ALCAM: variants seen among roughly 807,000 people sequenced by gnomAD.
The protein encoded by ALCAM is activated leukocyte cell adhesion molecule, also known as CD166 antigen.
A neutral mutation model predicts 70.9 loss-of-function variants in ALCAM; 30 were observed. That is an observed-to-expected ratio of 0.42 (90% confidence interval 0.32 to 0.57). The LOEUF is 0.57. ALCAM is among the 20% of genes least tolerant of loss of function. ALCAM has a pLI of 0.11. For missense variants in ALCAM, 591 were observed against 695.1 expected (o/e 0.85, Z 1.68); for synonymous variants, 249 against 242.5 (o/e 1.03, Z -0.25).
chr3:105,469,508 A>C (rs1347793), intron 1 of ALCAM, among the ~76,000 whole-genome samples: 28,229 of 151,178 alleles, frequency 0.19, 2,807 homozygotes, highest in East Asian at 0.37. Flanking sequence ...GTAAACAGAA[A>C]GTAGAAAAAA....
chr3:105,384,941 A>T (rs540723950), intron 1 of ALCAM, among the ~76,000 whole-genome samples: 2 of 151,678 alleles, frequency 1.3e-5, no homozygotes, highest in Admixed American at 6.6e-5. Flanking sequence ...AAATATATAA[A>T]CCTAATTGGG....
rs769598760 is a variant in ALCAM, at chr3:105,498,009, C to T, written c.74-22058C>T. Among the ~76,000 whole-genome samples, 26 of 144,094 alleles carry T rather than the reference C, an allele frequency of 1.8e-4. No homozygotes were observed. In the Middle Eastern group the frequency reaches 0.011, roughly 59 times the overall value. The allele number at this position is 144,094 out of a possible 152,430, so 94.5% of individuals were successfully genotyped here. On this transcript the variant is annotated intron_variant, in intron 1 of 15. Coordinates refer to ENST00000306107, the MANE Select transcript of ALCAM (RefSeq NM_001627.4). ...TCACACCACTGCACTCAAGCCTGGG[C>T]GACAGAGCGAGACTCTGCCTCAAAA...
At chr3:105,472,605 G>C (rs1224060483) in intron 1 of ALCAM, among the ~76,000 whole-genome samples, 1 of 151,510 alleles carries the variant, frequency 6.6e-6, no homozygotes, top group Non-Finnish European at 1.5e-5. Flanking sequence ...TATGGGTCTA[G>C]AAACTGAGGA....
At chr3:105,405,929 G>A (rs945118226) in intron 1 of ALCAM, among the ~76,000 whole-genome samples, 1 of 152,156 alleles carries the variant, frequency 6.6e-6, no homozygotes, top group African/African-American at 2.4e-5. Flanking sequence ...ATAATGAGAT[G>A]CAGATAAACT....
rs115509513 is a variant in ALCAM at position 105,382,957 on chromosome 3, C to T, written c.73+15476C>T. Among the ~76,000 whole-genome samples, 135 of 151,870 alleles carry T rather than the reference C, an allele frequency of 8.9e-4. 1 individual carries two copies. Among genetic ancestry groups the T allele is most frequent in the African/African-American group, 3.1e-3 (130 of 41,466 alleles). On this transcript the variant is annotated intron_variant, in intron 1 of 15. Coordinates refer to ENST00000306107, the MANE Select transcript of ALCAM (RefSeq NM_001627.4). ...AATATAGCATTTAAAGTTTTTCTTACATTTCTCAGAACAATTTTTCTTGGA... is the reference window on the plus strand; with the variant it reads ...AATATAGCATTTAAAGTTTTTCTTATATTTCTCAGAACAATTTTTCTTGGA...
intron 11 of ALCAM, 80 bp downstream of exon 11, chr3:105,547,603 G>A (rs557178927): frequency 2.0e-6 from 3 of 1,523,138 alleles, no homozygotes; most frequent in East Asian, 4.6e-5. Context: ...CTATAGGTTG[G>A]TTTGTTACCA....
Position 105,534,665 on chromosome 3 carries a change from G to T in ALCAM, c.550G>T (p.Val184Leu). The T allele has an allele frequency of 6.2e-7, 1 of 1,613,374 alleles. No homozygotes were observed. The highest frequency in any genetic ancestry group is 8.5e-7 in the Non-Finnish European group (1 of 1,179,504). The stretch of plus-strand genomic sequence containing the variant: ...TCAGTGTTCTTTATTTTCTTCAGCG[G>T]TGGTCATAATTTTTAAAAAGGAAAT... ...GKVLHPLEGA[V>L]VIIFKKEMDP... Residue 184 changes from valine to leucine, a missense_variant and splice_region_variant, in exon 6 of 16, where the codon GTG becomes TTG. By Grantham distance (32) the Val-to-Leu change is conservative. Coordinates refer to ENST00000306107, the MANE Select transcript of ALCAM (RefSeq NM_001627.4).
chr3:105,418,739 T>C (rs1286698189), intron 1 of ALCAM, among the ~76,000 whole-genome samples: 2 of 151,740 alleles, frequency 1.3e-5, no homozygotes, highest in Non-Finnish European at 2.9e-5. Flanking sequence ...AATATGCTTT[T>C]AAAAATATAG....
chr3:105,399,278 C>G (rs551706435), intron 1 of ALCAM, among the ~76,000 whole-genome samples: 1 of 152,044 alleles, frequency 6.6e-6, no homozygotes, highest in South Asian at 2.1e-4. Flanking sequence ...TTTTTCTTTA[C>G]ACTTTAGTTT....
intron 1 of ALCAM, among the ~76,000 whole-genome samples, chr3:105,403,588 C>G (rs545645741): frequency 2.6e-5 from 4 of 152,010 alleles, no homozygotes; most frequent in African/African-American, 4.8e-5. Flanking sequence ...GAACAACAGC[C>G]CTTGAATCCC....
At chr3:105,451,595 T>C (rs540065267) in intron 1 of ALCAM, among the ~76,000 whole-genome samples, 2 of 151,920 alleles carry the variant, frequency 1.3e-5, no homozygotes, top group African/African-American at 4.8e-5. Flanking sequence ...TGAGGGAAAA[T>C]AAAAGCATTA....
At chr3:105,560,155 C>A (rs1940601956) in intron 14 of ALCAM, among the ~76,000 whole-genome samples, 1 of 152,106 alleles carries the variant, frequency 6.6e-6, no homozygotes, top group African/African-American at 2.4e-5. Flanking sequence ...CTTACAACTC[C>A]CACCAGTCGC....
At chr3:105,552,445 T>C (rs1362772483) in intron 13 of ALCAM, 23 bp from the exon 14 acceptor site, 2 of 1,604,272 alleles carry the variant, frequency 1.2e-6, no homozygotes, top group East Asian at 2.2e-5. Flanking sequence ...TGTAATTGCA[T>C]GGACTTTTCT....
At chr3:105,555,726 A>T (rs1326111386) in intron 14 of ALCAM, among the ~76,000 whole-genome samples, 1 of 148,094 alleles carries the variant, frequency 6.8e-6, no homozygotes, top group Non-Finnish European at 1.5e-5. Flanking sequence ...CCACTAATAG[A>T]AGCTAAATAT....
chr3:105,540,761 A>C lies in ALCAM; in HGVS notation c.858+659A>C, dbSNP rs555115317. On this transcript the variant is annotated intron_variant, in intron 7 of 15. Transcript: ENST00000306107. ...TTGACATCACTTTCACATTGAGGGA[A>C]GCCATAATGCAACTCAATACTGCAT... is the stretch of plus-strand genomic sequence containing the variant. Among the ~76,000 whole-genome samples, 7 of 152,130 alleles carry C rather than the reference A, an allele frequency of 4.6e-5. No homozygotes were observed. In the South Asian group the frequency reaches 1.5e-3, roughly 32 times the overall value.
At chr3:105,511,513 G>A (rs536452433) in intron 1 of ALCAM, among the ~76,000 whole-genome samples, 54 of 152,052 alleles carry the variant, frequency 3.6e-4, no homozygotes, top group South Asian at 8.3e-4. Flanking sequence ...ATAGAAAGCC[G>A]TAATATTCTT....
chr3:105,374,354 G>A (rs1365508872), intron 1 of ALCAM, among the ~76,000 whole-genome samples: 2 of 151,920 alleles, frequency 1.3e-5, no homozygotes, highest in Non-Finnish European at 2.9e-5. Flanking sequence ...CCAAGAGTTC[G>A]AGACCAGCCT....
chr3:105,454,809 C>T (rs1399902793), intron 1 of ALCAM, among the ~76,000 whole-genome samples: 3 of 151,630 alleles, frequency 2.0e-5, no homozygotes, highest in Non-Finnish European at 4.4e-5. Flanking sequence ...GCTGGGACTA[C>T]AAGCACCACA....
At chr3:105,478,175 G>A (rs1309172740) in intron 1 of ALCAM, among the ~76,000 whole-genome samples, 3 of 151,950 alleles carry the variant, frequency 2.0e-5, no homozygotes, top group African/African-American at 7.3e-5. Context: ...TTGGGATTCT[G>A]TTAAATTCAT....
Sources: gnomAD v4.1 joint callset for allele counts (sites outside exome capture counted in the v4.1 genomes callset) on GRCh38, gnomAD v4.1.1 for gene constraint, MANE v1.5 for transcripts, NCBI Gene and HGNC (gene_info 2026-07-23, HGNC 2026-07-21) for gene names.